The following RELN variants were observed in gnomAD, a reference collection of about 807,000 sequenced individuals.
The protein encoded by RELN is reelin.
Under a neutral mutation model 427.6 loss-of-function variants are expected in RELN, and 108 were observed. That is an observed-to-expected ratio of 0.25 (90% confidence interval 0.22 to 0.30). The LOEUF is 0.30. RELN is among the 10% of genes least tolerant of loss of function. The probability of loss-of-function intolerance (pLI) is 1.00; values close to 1 mark genes in which losing one functional copy is unlikely to be tolerated. For synonymous variants in RELN, 1,524 were observed against 1,513.4 expected (o/e 1.01, Z -0.16); for missense variants, 3,715 against 4,302.8 (o/e 0.86, Z 3.82).
At chr7:103,857,154 G>A (rs1023753125) in intron 2 of RELN, among the ~76,000 whole-genome samples, 3 of 152,120 alleles carry the variant, frequency 2.0e-5, no homozygotes, top group Non-Finnish European at 4.4e-5. Flanking sequence ...ATGCCAAGCA[G>A]AGATTAGGTC....
chr7:103,585,097 T>TA (rs1432685622), intron 28 of RELN, among the ~76,000 whole-genome samples: 2 of 151,778 alleles, frequency 1.3e-5, no homozygotes, highest in Admixed American at 1.3e-4. Context: ...AATGCCTATA[T>TA]AAAAAAGATA....
chr7:103,520,968 T>C (rs1325299744), intron 48 of RELN, among the ~76,000 whole-genome samples: 2 of 115,478 alleles, frequency 1.7e-5, no homozygotes, highest in Non-Finnish European at 3.7e-5. Context: ...TTTTTTTTTT[T>C]TTTTTTTTTT....
At chr7:103,546,311 A>G (rs1423987847) in intron 41 of RELN, among the ~76,000 whole-genome samples, 1 of 152,244 alleles carries the variant, frequency 6.6e-6, no homozygotes, top group African/African-American at 2.4e-5. Flanking sequence ...AGGTTCATTC[A>G]TGGTGTAGCA....
rs766219103 is a variant in RELN at position 103,833,551 on chromosome 7, G to T, written c.459C>A (p.Gly153=). The T allele has an allele frequency of 5.6e-6, 9 of 1,613,928 alleles. 1 individual carries two copies. The South Asian group carries it at 9.9e-5, about 18-fold the overall frequency. The change falls in exon 3 of 65, where the codon GGC becomes GGA. Residue 153 remains glycine, a synonymous_variant. Coordinates refer to ENST00000428762, the MANE Select transcript of RELN (RefSeq NM_005045.4). ...TGGGTACTTACATGAAATTCACACA[G>T]CCTGTGCCCGCAGGTGGAGCAATCC... ...FIWIAPPAGT[G]CVNFMATATH...
chr7:103,843,164 A>G (rs1171159488), intron 2 of RELN, among the ~76,000 whole-genome samples: 1 of 152,030 alleles, frequency 6.6e-6, no homozygotes, highest in Non-Finnish European at 1.5e-5. Flanking sequence ...GTTGGCTATT[A>G]TTATCATTCC....
chr7:103,599,186 A>C (rs143528386), intron 24 of RELN, among the ~76,000 whole-genome samples: 162 of 152,354 alleles, frequency 1.1e-3, no homozygotes, highest in African/African-American at 3.7e-3. Context: ...ACTAGAAAGC[A>C]ATTCTATTTA....
intron 2 of RELN, among the ~76,000 whole-genome samples, chr7:103,896,100 G>C (rs536053817): frequency 1.1e-4 from 16 of 151,998 alleles, no homozygotes; most frequent in Non-Finnish European, 1.8e-4. Context: ...ATAGTTATCT[G>C]GGAAATGCAA....
Position 103,551,003 on chromosome 7 carries a change from C to T in RELN, c.6302+64G>A, listed in dbSNP as rs362788. 27,224 of 1,362,936 alleles carry T rather than the reference C, an allele frequency of 0.02. 926 individuals are homozygous for T. The highest frequency in any genetic ancestry group is 0.11 in the East Asian group (4,505 of 42,196). The allele number at this position is 1,362,936 out of a possible 1,614,324, so 84.4% of individuals were successfully genotyped here. A position where few individuals can be genotyped will look rare whatever the true frequency, so the allele number is the denominator to read the frequency against. On this transcript the variant is annotated intron_variant, in intron 41 of 64. Coordinates refer to ENST00000428762, the MANE Select transcript of RELN (RefSeq NM_005045.4). ...TCCCCATGATAAAGTGGCAAGTGAACGATGACTTCAGGAATAAACTGTCAA... is the reference window on the plus strand; with the variant it reads ...TCCCCATGATAAAGTGGCAAGTGAATGATGACTTCAGGAATAAACTGTCAA...
Position 103,496,742 on chromosome 7 carries a change from T to C in RELN, c.8977A>G (p.Met2993Val). Reference protein sequence around the residue: ...GGITWTLLHEMDYQKYISVRH... With the variant: ...GGITWTLLHEVDYQKYISVRH... ...ACAGAAATGTATTTCTGGTAATCCA[T>C]CTCATGGAGCAAAGTCCAGGTAATT... The change falls in exon 56 of 65, where the codon ATG becomes GTG. Residue 2993 changes from methionine to valine, a missense_variant. Transcript: ENST00000428762. 2 of 1,614,050 alleles carry C rather than the reference T, an allele frequency of 1.2e-6. No homozygotes were observed. The highest frequency in any genetic ancestry group is 1.1e-5 in the South Asian group (1 of 91,078).
At chr7:103,925,663 T>TA (rs769601493) in intron 1 of RELN, among the ~76,000 whole-genome samples, 1 of 152,196 alleles carries the variant, frequency 6.6e-6, no homozygotes, top group Non-Finnish European at 1.5e-5. Context: ...CTATCTTGTC[T>TA]AAAACTCAAC....
chr7:103,914,054 T>C (rs1054829737), intron 2 of RELN, among the ~76,000 whole-genome samples: 2 of 152,194 alleles, frequency 1.3e-5, no homozygotes, highest in African/African-American at 2.4e-5. Flanking sequence ...GAAGGCTAGG[T>C]GCAATTCAGG....
intron 3 of RELN, among the ~76,000 whole-genome samples, chr7:103,804,585 T>TC (rs1792550911): frequency 6.6e-6 from 1 of 152,144 alleles, no homozygotes; most frequent in Non-Finnish European, 1.5e-5. Flanking sequence ...AAATAATGCG[T>TC]AGTAACACCA....
At chr7:103,913,585 C>T (rs1405243560) in intron 2 of RELN, among the ~76,000 whole-genome samples, 2 of 152,108 alleles carry the variant, frequency 1.3e-5, no homozygotes, top group African/African-American at 4.8e-5. Context: ...ATTATGCCTT[C>T]TATAATTTTC....
chr7:103,827,722 T>C (rs1452154192), intron 3 of RELN, among the ~76,000 whole-genome samples: 1 of 151,978 alleles, frequency 6.6e-6, no homozygotes, highest in Admixed American at 6.6e-5. Flanking sequence ...ATTTCTTTTA[T>C]CTTGTCATCT....
At chr7:103,495,636 T>C in intron 57 of RELN, 87 bp downstream of exon 57, 1 of 1,260,094 alleles carries the variant, frequency 7.9e-7, no homozygotes, top group Non-Finnish European at 1.2e-6. Flanking sequence ...ATATCAGTCA[T>C]TTCCTTATAG....
intron 4 of RELN, among the ~76,000 whole-genome samples, chr7:103,767,928 C>G (rs1791464916): frequency 6.6e-6 from 1 of 152,110 alleles, no homozygotes; most frequent in South Asian, 2.1e-4. Context: ...TCTTTCCCTG[C>G]TATATTTTAG....
intron 27 of RELN, 32 bp from the exon 28 acceptor site, chr7:103,589,860 A>G: frequency 6.9e-7 from 1 of 1,451,842 alleles, no homozygotes; most frequent in Non-Finnish European, 9.7e-7. Flanking sequence ...ATTATACAAG[A>G]TTTTGGTTCT....
rs1354734480 is a variant in RELN, at chr7:103,833,688, G to A, written c.338-16C>T. Reference sequence around the variant, plus strand: ...GACATGATCCCTAAGAGAAAGGAAGGAGAGTTGTTACAAAGACAACAAAAC... The same window carrying A: ...GACATGATCCCTAAGAGAAAGGAAGAAGAGTTGTTACAAAGACAACAAAAC... On this transcript the variant is annotated splice_polypyrimidine_tract_variant and intron_variant, in intron 2 of 64. Coordinates refer to ENST00000428762, the MANE Select transcript of RELN (RefSeq NM_005045.4). The A allele has an allele frequency of 2.5e-6, 4 of 1,610,700 alleles. No individual in the cohort carries two copies. The highest frequency in any genetic ancestry group is 3.4e-6 in the Non-Finnish European group (4 of 1,177,766).
intron 11 of RELN, among the ~76,000 whole-genome samples, chr7:103,674,989 C>T (rs749415212): frequency 1.3e-5 from 2 of 152,140 alleles, no homozygotes; most frequent in African/African-American, 2.4e-5. Context: ...GACAGAGATG[C>T]CCTCTCTCAC....
Sources: gnomAD v4.1 joint callset for allele counts (sites outside exome capture counted in the v4.1 genomes callset) on GRCh38, gnomAD v4.1.1 for gene constraint, MANE v1.5 for transcripts, NCBI Gene and HGNC (gene_info 2026-07-23, HGNC 2026-07-21) for gene names.